EPB41L2: variants seen among roughly 807,000 people sequenced by gnomAD.
The protein encoded by EPB41L2 is erythrocyte membrane protein band 4.1 like 2.
EPB41L2 carries 43 observed loss-of-function variants against 113.0 expected under a neutral mutation model. The ratio of observed to expected loss-of-function variants is 0.38; its 90% CI spans 0.30 to 0.49. The LOEUF is 0.49. Among genes scored for constraint, EPB41L2 ranks in the 20% least tolerant of loss-of-function variants. The pLI is 0.95. For synonymous variants in EPB41L2, 442 were observed against 436.7 expected, an observed-to-expected ratio of 1.01 and a Z score of -0.15; for missense variants, 1,147 against 1,223.4, an observed-to-expected ratio of 0.94 and a Z score of 0.93.
At chr6:130,893,777 G>GT (rs1024250526) in intron 10 of EPB41L2, among the ~76,000 whole-genome samples, 4 of 152,210 alleles carry the variant, frequency 2.6e-5, no homozygotes, top group African/African-American at 9.6e-5. Context: ...GAGGAGAGTA[G>GT]TTTGAGGGGG....
At chr6:131,011,786 A>T (rs1787047975) in intron 1 of EPB41L2, among the ~76,000 whole-genome samples, 1 of 152,176 alleles carries the variant, frequency 6.6e-6, no homozygotes, top group South Asian at 2.1e-4. Flanking sequence ...TTAAAGGGTG[A>T]CCTCCCCTAA....
At chr6:130,875,029 C>A (rs1787061562) in intron 14 of EPB41L2, among the ~76,000 whole-genome samples, 1 of 152,146 alleles carries the variant, frequency 6.6e-6, no homozygotes, top group South Asian at 2.1e-4. Flanking sequence ...TTCAGGCTAA[C>A]CTTTAAAGTA....
At chr6:130,977,461 G>C (rs1023975131) in intron 1 of EPB41L2, among the ~76,000 whole-genome samples, 1 of 152,078 alleles carries the variant, frequency 6.6e-6, no homozygotes, top group Non-Finnish European at 1.5e-5. Flanking sequence ...TGGATGAGAA[G>C]GGGAGACACA....
intron 11 of EPB41L2, among the ~76,000 whole-genome samples, chr6:130,889,876 G>A (rs1034924773): frequency 1.3e-5 from 2 of 151,938 alleles, no homozygotes; most frequent in African/African-American, 4.8e-5. Flanking sequence ...GAAGTGTTGC[G>A]GATTTCTAAT....
chr6:130,918,242 T>C (rs1030141256), intron 4 of EPB41L2, among the ~76,000 whole-genome samples: 1 of 152,202 alleles, frequency 6.6e-6, no homozygotes, highest in African/African-American at 2.4e-5. Context: ...AACAAAATGG[T>C]CTATTAGATG....
intron 14 of EPB41L2, chr6:130,876,618 A>T: frequency 6.4e-6 from 7 of 1,093,114 alleles, no homozygotes; most frequent in Non-Finnish European, 8.6e-6. Context: ...CTGTGGATAG[A>T]AACAAAAGGA....
chr6:130,858,503 CTTA>C (rs2128423641), intron 18 of EPB41L2, among the ~76,000 whole-genome samples: 1 of 152,348 alleles, frequency 6.6e-6, no homozygotes, highest in South Asian at 2.1e-4. Flanking sequence ...GAATCCCAGG[CTTA>C]TTATACTCAC....
chr6:130,862,972 A>T (rs1033706229), intron 18 of EPB41L2, among the ~76,000 whole-genome samples: 14 of 152,206 alleles, frequency 9.2e-5, no homozygotes, highest in Non-Finnish European at 1.8e-4. Flanking sequence ...AATCACTTTT[A>T]AAAAAATTGT....
chr6:130,964,099 G>C (rs186101814), intron 1 of EPB41L2, among the ~76,000 whole-genome samples: 2 of 151,442 alleles, frequency 1.3e-5, no homozygotes, highest in East Asian at 3.9e-4. Context: ...TCAGCTCACT[G>C]CAATCTCCGC....
At chr6:130,841,295 A>G (rs1445158397) in intron 19 of EPB41L2, among the ~76,000 whole-genome samples, 1 of 152,120 alleles carries the variant, frequency 6.6e-6, no homozygotes, top group Non-Finnish European at 1.5e-5. Flanking sequence ...ACAATGGTCC[A>G]GGGCAGAGTG....
intron 1 of EPB41L2, among the ~76,000 whole-genome samples, chr6:131,029,632 G>A (rs992654490): frequency 3.3e-5 from 5 of 152,028 alleles, no homozygotes; most frequent in East Asian, 1.9e-4. Flanking sequence ...CCACCTCAAC[G>A]CCCATGGAAT....
intron 1 of EPB41L2, among the ~76,000 whole-genome samples, chr6:131,033,127 G>A (rs934345124): frequency 6.6e-6 from 1 of 152,140 alleles, no homozygotes; most frequent in African/African-American, 2.4e-5. Context: ...ATCTGCCTCG[G>A]CCTCCCAAAG....
At chr6:130,979,492 CAA>C (rs34912861) in intron 1 of EPB41L2, among the ~76,000 whole-genome samples, 152 of 85,296 alleles carry the variant, frequency 1.8e-3, no homozygotes, top group South Asian at 0.017. Flanking sequence ...GAGACTCTGT[CAA>C]AAAAAAAAAA....
chr6:131,047,922 C>T lies in EPB41L2; in HGVS notation c.-15+15233G>A, dbSNP rs546858285. 6.6e-5 allele frequency among the ~76,000 whole-genome samples: 10 copies of T among 152,048 alleles called. No individual in the cohort carries two copies. The South Asian group carries it at 1.2e-3, about 19-fold the overall frequency. On this transcript the variant is annotated intron_variant, in intron 1 of 19. Transcript: ENST00000337057. ...TTGGGAGGCCAAGGCAGGTGGATCA[C>T]GAGGTCAGGAGTTCAAAATCAGCCT...
At chr6:131,053,437 A>T (rs1796999401) in intron 1 of EPB41L2, among the ~76,000 whole-genome samples, 2 of 82,114 alleles carry the variant, frequency 2.4e-5, no homozygotes, top group African/African-American at 4.3e-5. Context: ...GAAATGATAA[A>T]AAAAAAAAAA....
chr6:130,869,806 T>C lies in EPB41L2; in HGVS notation c.2364A>G (p.Val788=). The part of the protein sequence containing the change: ...EEEPRPAAKV[V]EREEAVPEAS... ...CTTCGGGCACTGCTTCCTCCCTCTC[T>C]ACTACCTTGGCTGCCGGGCGGGGTT... The change falls in exon 15 of 20, where the codon GTA becomes GTG. Residue 788 remains valine (V), a synonymous_variant. Coordinates refer to ENST00000337057, the MANE Select transcript of EPB41L2 (RefSeq NM_001431.4). 1 of 1,614,058 alleles carries C rather than the reference T, an allele frequency of 6.2e-7. No individual in the cohort carries two copies. The highest frequency in any genetic ancestry group is 8.5e-7 in the Non-Finnish European group (1 of 1,180,010).
intron 1 of EPB41L2, among the ~76,000 whole-genome samples, chr6:131,020,983 A>T (rs1789341195): frequency 6.6e-6 from 1 of 151,810 alleles, no homozygotes; most frequent in African/African-American, 2.4e-5. Context: ...TTTTTTGTAG[A>T]GACAGGGTCT....
Position 130,995,851 on chromosome 6 carries a change from G to A in EPB41L2, c.-14-39352C>T, listed in dbSNP as rs376135626. 1.2e-4 allele frequency among the ~76,000 whole-genome samples: 19 copies of A among 152,246 alleles called. 1 individual carries two copies. The highest frequency in any genetic ancestry group is 3.9e-4 in the African/African-American group (16 of 41,546). On this transcript the variant is annotated intron_variant, in intron 1 of 19. Transcript: ENST00000337057. ...TTTGAGTTCAGCCATATTTTGGAAC[G>A]CTGTCATATCCTCCTTCCCAATCCT...
intron 11 of EPB41L2, among the ~76,000 whole-genome samples, chr6:130,889,716 C>G (rs1466058902): frequency 6.6e-6 from 1 of 152,060 alleles, no homozygotes; most frequent in South Asian, 2.1e-4. Flanking sequence ...TTAAAAGGTT[C>G]AGGAAATTGA....
Sources: gnomAD v4.1 joint callset for allele counts (sites outside exome capture counted in the v4.1 genomes callset) on GRCh38, gnomAD v4.1.1 for gene constraint, MANE v1.5 for transcripts, NCBI Gene and HGNC (gene_info 2026-07-23, HGNC 2026-07-21) for gene names.